Variants in RASGEF1C observed in about 807,000 individuals in gnomAD.
RASGEF1C encodes RasGEF domain family member 1C, also known as ras-GEF domain-containing family member 1C.
Under a neutral mutation model 58.1 loss-of-function variants are expected in RASGEF1C, and 27 were observed. The observed-to-expected ratio is 0.46, with a 90% CI of 0.34 to 0.64. The LOEUF (loss-of-function observed/expected upper bound fraction) is 0.64. Among genes scored for constraint, RASGEF1C ranks in the 30% least tolerant of loss-of-function variants. The pLI, the probability that RASGEF1C is intolerant of heterozygous loss-of-function variation, is 0.01. For missense variants in RASGEF1C, 502 were observed against 605.1 expected (o/e 0.83, Z 1.79); for synonymous variants, 243 against 246.3 (o/e 0.99, Z 0.13).
At chr5:180,128,735 C>A in intron 4 of RASGEF1C, 125 bp from the exon 5 acceptor site, 6 of 965,184 alleles carry the variant, frequency 6.2e-6, no homozygotes, top group Non-Finnish European at 9.4e-6. Flanking sequence ...GAGAAAAGGC[C>A]AGGTACCAGC....
At chr5:180,125,766 AAGTG>A (rs1489882887) in intron 6 of RASGEF1C, among the ~76,000 whole-genome samples, 3 of 152,004 alleles carry the variant, frequency 2.0e-5, no homozygotes, top group African/African-American at 4.8e-5. Flanking sequence ...TGGGTGACAA[AAGTG>A]AGTGAGACTC....
At chr5:180,164,551 A>G (rs1389035858) in intron 1 of RASGEF1C, among the ~76,000 whole-genome samples, 1 of 152,226 alleles carries the variant, frequency 6.6e-6, no homozygotes, top group Non-Finnish European at 1.5e-5. Flanking sequence ...ATTTTTACCT[A>G]TGAATTATTT....
At chr5:180,144,634 G>A (rs539583851) in intron 1 of RASGEF1C, among the ~76,000 whole-genome samples, 1 of 152,012 alleles carries the variant, frequency 6.6e-6, no homozygotes, top group East Asian at 1.9e-4. Context: ...GCAAGACCCT[G>A]CCTCTACCAA....
chr5:180,151,175 C>A (rs1261526530), intron 1 of RASGEF1C, among the ~76,000 whole-genome samples: 1 of 152,132 alleles, frequency 6.6e-6, no homozygotes. Flanking sequence ...CCATCCCCAT[C>A]AAGCTACCAA....
chr5:180,168,173 G>A lies in RASGEF1C; in HGVS notation c.-6-30115C>T, dbSNP rs1266004774. ...AGGCCAGGCGCAGTGGCTCACACCT[G>A]TAATCCCAGCACTTTGGGAGGCTGA... On this transcript the variant is annotated intron_variant, in intron 1 of 13. Coordinates refer to ENST00000361132, the MANE Select transcript of RASGEF1C (RefSeq NM_175062.4). This position sits in a 1 kb window ranked among gnomAD's most constrained non-coding sequence, Gnocchi z 6.0. Among the ~76,000 whole-genome samples the A allele has an allele frequency of 6.6e-6, 1 of 152,180 alleles. No homozygotes were observed. Among genetic ancestry groups the A allele is most frequent in the African/African-American group, 2.4e-5 (1 of 41,446 alleles).
At chr5:180,128,165 T>C (rs1766295915) in intron 5 of RASGEF1C, among the ~76,000 whole-genome samples, 2 of 151,850 alleles carry the variant, frequency 1.3e-5, no homozygotes, top group Admixed American at 1.3e-4. Flanking sequence ...CGCTGAAGAG[T>C]GCCTGGAGAG....
chr5:180,119,726 C>T (rs1348627561), intron 7 of RASGEF1C, among the ~76,000 whole-genome samples: 2 of 152,060 alleles, frequency 1.3e-5, no homozygotes, highest in Non-Finnish European at 2.9e-5. Context: ...GGCTCCCCTC[C>T]AGCGCCCTCC....
At chr5:180,194,466 C>T (rs1756229243) in intron 1 of RASGEF1C, among the ~76,000 whole-genome samples, 1 of 152,258 alleles carries the variant, frequency 6.6e-6, no homozygotes, top group African/African-American at 2.4e-5. Context: ...AGCATCTGCG[C>T]AAACTGCAGA....
intron 1 of RASGEF1C, among the ~76,000 whole-genome samples, chr5:180,183,728 C>G (rs949376817): frequency 3.3e-5 from 5 of 151,424 alleles, no homozygotes; most frequent in African/African-American, 1.2e-4. Context: ...GAGGCTAAGG[C>G]AGGAGAATCG....
intron 1 of RASGEF1C, among the ~76,000 whole-genome samples, chr5:180,160,424 A>T (rs1766922216): frequency 6.6e-6 from 1 of 152,214 alleles, no homozygotes; most frequent in Non-Finnish European, 1.5e-5. Context: ...GGTGGGCTCC[A>T]CGCTGCAGAG....
chr5:180,101,277 C>T lies in RASGEF1C; in HGVS notation c.*224G>A, dbSNP rs73810992. The T allele has an allele frequency of 8.8e-3, 5,148 of 587,306 alleles. 190 individuals carry two copies. The highest frequency in any genetic ancestry group is 0.081 in the African/African-American group (4,302 of 53,360). 36.4% of individuals were successfully genotyped at this position (587,306 alleles called of 1,614,324 possible). ...GGATGTCCCCAAGGCATGTGCCGCC[C>T]GCACGTCTGGAGGCCCTGGGTCCTG... On this transcript the variant is annotated 3_prime_UTR_variant, in exon 14 of 14. Transcript: ENST00000361132.
At chr5:180,123,110 C>A (rs187507073) in intron 6 of RASGEF1C, among the ~76,000 whole-genome samples, 287 of 152,220 alleles carry the variant, frequency 1.9e-3, no homozygotes, top group African/African-American at 6.6e-3. Flanking sequence ...ACAAAAAAGA[C>A]CCTGAGGCAA....
At chr5:180,203,998 A>G (rs76693245) in intron 1 of RASGEF1C, among the ~76,000 whole-genome samples, 23,080 of 54,576 alleles carry the variant, frequency 0.42, 2,223 homozygotes, top group Non-Finnish European at 0.46. Context: ...GTCTCAAAAA[A>G]CAAACAAACA....
intron 4 of RASGEF1C, among the ~76,000 whole-genome samples, chr5:180,131,145 C>T (rs1399860192): frequency 6.6e-6 from 1 of 152,198 alleles, no homozygotes; most frequent in Non-Finnish European, 1.5e-5. Context: ...TTTCTCTCCA[C>T]CCTGCAGCCA....
intron 1 of RASGEF1C, among the ~76,000 whole-genome samples, chr5:180,173,646 G>A (rs1251224957): frequency 6.6e-6 from 1 of 152,222 alleles, no homozygotes; most frequent in Non-Finnish European, 1.5e-5. Flanking sequence ...CGGGCACGGT[G>A]GCTCCCGCCT....
chr5:180,181,278 G>T (rs1767319058), intron 1 of RASGEF1C, among the ~76,000 whole-genome samples: 1 of 152,202 alleles, frequency 6.6e-6, no homozygotes, highest in Non-Finnish European at 1.5e-5. Flanking sequence ...AGTGTTTAAA[G>T]CAAAAATAAT....
chr5:180,137,981 T>C lies in RASGEF1C; in HGVS notation c.72A>G (p.Thr24=). 6.3e-7 allele frequency: 1 copy of C among 1,592,414 alleles called. No individual in the cohort carries two copies. The highest frequency in any genetic ancestry group is 2.3e-5 in the East Asian group (1 of 43,834). Residue 24 remains threonine (T), a synonymous_variant, in exon 2 of 14, where the codon ACA becomes ACG. Coordinates refer to ENST00000361132, the MANE Select transcript of RASGEF1C (RefSeq NM_175062.4). This position sits in a 1 kb window ranked among gnomAD's most constrained non-coding sequence, Gnocchi z 4.1. ...GSLSPPPTEP[T]DGEQAGQPLL... is the part of the protein sequence containing the mutation. ...GGGGCTGCCCAGCCTGTTCGCCATC[T>C]GTGGGCTCGGTGGGGGGTGGGCTGA...
intron 1 of RASGEF1C, among the ~76,000 whole-genome samples, chr5:180,188,233 G>C (rs1756075777): frequency 6.6e-6 from 1 of 152,180 alleles, no homozygotes; most frequent in Non-Finnish European, 1.5e-5. Flanking sequence ...TGACACGAAA[G>C]GCCACAAGCC....
intron 12 of RASGEF1C, among the ~76,000 whole-genome samples, chr5:180,102,584 T>A (rs1026747575): frequency 6.6e-6 from 1 of 152,228 alleles, no homozygotes; most frequent in Non-Finnish European, 1.5e-5. Context: ...GTGTGAGGCT[T>A]GGGCTGGGGT....
Sources: gnomAD v4.1 joint callset for allele counts (sites outside exome capture counted in the v4.1 genomes callset) on GRCh38, gnomAD v4.1.1 for gene constraint, Gnocchi (gnomAD v3.1) non-coding constraint, MANE v1.5 for transcripts, NCBI Gene and HGNC (gene_info 2026-07-23, HGNC 2026-07-21) for gene names.